ZC3H13: variants seen among roughly 807,000 people sequenced by gnomAD.
The protein encoded by ZC3H13 is zinc finger CCCH-type containing 13, also known as zinc finger CCCH domain-containing protein 13.
ZC3H13 carries 64 observed loss-of-function variants against 204.1 expected under a neutral mutation model. The ratio of observed to expected loss-of-function variants is 0.31; its 90% CI spans 0.26 to 0.39. ZC3H13 has a LOEUF of 0.39. Among genes scored for constraint, ZC3H13 ranks in the 10% least tolerant of loss-of-function variants. The pLI, the probability that ZC3H13 is intolerant of heterozygous loss-of-function variation, is 1.00. For missense variants in ZC3H13, 1,833 were observed against 2,082.7 expected (o/e 0.88, Z 2.33); for synonymous variants, 667 against 693.7 (o/e 0.96, Z 0.60).
In ZC3H13 at chr13:45,963,953, A is replaced by C. The variant is rs759206705; in HGVS notation, c.4564T>G (p.Phe1522Val). 31 of 1,614,012 alleles carry C rather than the reference A, an allele frequency of 1.9e-5. No homozygotes were observed. In the Admixed American group the frequency reaches 2.0e-4, roughly 10 times the overall value. ...PREPGAALLK[F>V]TPGAVMLRVG... ...CTTAGCATAACAGCTCCAGGTGTGA[A>C]TTTTAAGAGTGCAGCCCCAGGCTCT... The change falls in exon 17 of 19, where the codon TTC (phenylalanine) becomes GTC (valine). Residue 1522 changes from phenylalanine to valine, a missense_variant. Physicochemically the swap from Phe to Val is conservative, Grantham distance 50 (BLOSUM62 -1). Coordinates refer to ENST00000679008, the MANE Select transcript of ZC3H13 (RefSeq NM_001330564.2).
chr13:45,983,649 G>A (rs1451641983), intron 10 of ZC3H13, among the ~76,000 whole-genome samples: 2 of 149,802 alleles, frequency 1.3e-5, no homozygotes, highest in East Asian at 2.0e-4. Flanking sequence ...GGATGGTCTC[G>A]ATCTCCTGAC....
Position 45,955,122 on chromosome 13 carries a change from G to A in ZC3H13, c.*2005C>T, listed in dbSNP as rs1195670890. Reference sequence around the variant, plus strand: ...CTGAGCCGTCAGTTATGAGATAGATGACCTTTTAATTGTACTAGCAAACAA... The same window carrying A: ...CTGAGCCGTCAGTTATGAGATAGATAACCTTTTAATTGTACTAGCAAACAA... On this transcript the variant is annotated 3_prime_UTR_variant, in exon 19 of 19. Coordinates refer to ENST00000679008, the MANE Select transcript of ZC3H13 (RefSeq NM_001330564.2). 5 of 152,140 alleles carry A rather than the reference G, an allele frequency of 3.3e-5. No homozygotes were observed. Among genetic ancestry groups the A allele is most frequent in the Non-Finnish European group, 5.9e-5 (4 of 68,024 alleles). The allele number at this position is 152,140 out of a possible 1,614,324, so 9.4% of individuals were successfully genotyped here.
rs760080604 is a variant in ZC3H13, at chr13:45,969,482, GCTT to G, written c.3059_3061del (p.Glu1020del). 2.5e-6 allele frequency: 4 copies of G among 1,609,842 alleles called. No individual in the cohort carries two copies. Among genetic ancestry groups the G allele is most frequent in the Non-Finnish European group, 3.4e-6 (4 of 1,179,044 alleles). Reference sequence around the variant, plus strand: ...TCTTTTCTTCTTACTTTGCTGGGCTGCTTCTTCATCAGAAATATCAGAATCACC... The same window carrying G: ...TCTTTTCTTCTTACTTTGCTGGGCTGCTTCATCAGAAATATCAGAATCACC... On this transcript the variant is annotated inframe_deletion, in exon 14 of 19. Coordinates refer to ENST00000679008, the MANE Select transcript of ZC3H13 (RefSeq NM_001330564.2).
At chr13:46,028,027 A>G (rs2094247) in intron 4 of ZC3H13, among the ~76,000 whole-genome samples, 50,374 of 152,026 alleles carry the variant, frequency 0.33, 8,581 homozygotes, top group Middle Eastern at 0.41. Context: ...CAATTAAAAC[A>G]CAGATATTCT....
intron 1 of ZC3H13, among the ~76,000 whole-genome samples, chr13:46,050,449 T>A (rs2044323023): frequency 6.6e-6 from 1 of 152,168 alleles, no homozygotes; most frequent in African/African-American, 2.4e-5. Context: ...CATAACACTT[T>A]AATCCGGATG....
intron 8 of ZC3H13, among the ~76,000 whole-genome samples, chr13:45,994,123 T>C (rs1343155359): frequency 1.3e-5 from 2 of 152,246 alleles, no homozygotes; most frequent in South Asian, 2.1e-4. Flanking sequence ...TAATGATCCA[T>C]TTCCACTTAA....
At chr13:46,033,433 T>G (rs1158481815) in intron 4 of ZC3H13, among the ~76,000 whole-genome samples, 1 of 152,078 alleles carries the variant, frequency 6.6e-6, no homozygotes, top group Non-Finnish European at 1.5e-5. Flanking sequence ...CTGAAACTAT[T>G]AAATGTAATG....
At chr13:46,025,513 T>C (rs1417277986) in intron 4 of ZC3H13, among the ~76,000 whole-genome samples, 1 of 152,176 alleles carries the variant, frequency 6.6e-6, no homozygotes, top group Non-Finnish European at 1.5e-5. Flanking sequence ...TCTCTCTATG[T>C]TGCCCAAGCT....
At chr13:45,958,625 C>T (rs1354040339) in intron 18 of ZC3H13, among the ~76,000 whole-genome samples, 1 of 151,162 alleles carries the variant, frequency 6.6e-6, no homozygotes, top group Non-Finnish European at 1.5e-5. Flanking sequence ...CCCATCCACT[C>T]ACCACCCCAA....
chr13:46,006,930 CAT>C (rs2041200160), intron 7 of ZC3H13, among the ~76,000 whole-genome samples: 1 of 151,596 alleles, frequency 6.6e-6, no homozygotes, highest in African/African-American at 2.4e-5. Flanking sequence ...ATATTAGCCA[CAT>C]ATCTCATTGC....
intron 5 of ZC3H13, among the ~76,000 whole-genome samples, chr13:46,014,849 A>G (rs2041815255): frequency 6.6e-6 from 1 of 152,180 alleles, no homozygotes; most frequent in African/African-American, 2.4e-5. Context: ...TGCCCTATAA[A>G]CAAGATCTTT....
At chr13:45,976,308 T>C (rs4942460) in intron 11 of ZC3H13, 385,493 of 974,050 alleles carry the variant, frequency 0.4, 76,787 homozygotes, top group East Asian at 0.54. Flanking sequence ...ACACCTCTAA[T>C]TTCAGGCCAA....
intron 17 of ZC3H13, chr13:45,963,098 C>A: frequency 1.0e-6 from 1 of 977,756 alleles, no homozygotes; most frequent in Middle Eastern, 5.3e-4. Flanking sequence ...TGTAATAACT[C>A]ATTTGCTCCT....
chr13:46,006,082 C>G (rs61953328), intron 7 of ZC3H13, among the ~76,000 whole-genome samples: 32 of 70,814 alleles, frequency 4.5e-4, no homozygotes, highest in African/African-American at 2.4e-3. Flanking sequence ...GGGACTCTGT[C>G]CCAAAAAAAA....
rs1241634616 is a variant in ZC3H13, at chr13:45,955,984, A to G, written c.*1143T>C. On this transcript the variant is annotated 3_prime_UTR_variant, in exon 19 of 19. Coordinates refer to ENST00000679008, the MANE Select transcript of ZC3H13 (RefSeq NM_001330564.2). Reference sequence around the variant, plus strand: ...TAAATTTTGATTGCCTTCTTTTATTATTATCACTACTACTGTCTGCTCACA... The same window carrying G: ...TAAATTTTGATTGCCTTCTTTTATTGTTATCACTACTACTGTCTGCTCACA... The G allele has an allele frequency of 6.6e-6, 1 of 152,070 alleles. No homozygotes were observed. The highest frequency in any genetic ancestry group is 1.5e-5 in the Non-Finnish European group (1 of 67,964). The allele number at this position is 152,070 out of a possible 1,614,324, so 9.4% of individuals were successfully genotyped here.
intron 4 of ZC3H13, among the ~76,000 whole-genome samples, chr13:46,034,590 C>T (rs772659734): frequency 2.6e-5 from 4 of 151,916 alleles, no homozygotes; most frequent in Non-Finnish European, 4.4e-5. Flanking sequence ...GTTTGGGAGG[C>T]GACTGATGAC....
Position 45,979,814 on chromosome 13 carries a change from T to A in ZC3H13, c.1911A>T (p.Arg637Ser). The A allele has an allele frequency of 6.4e-7, 1 of 1,556,554 alleles. No homozygotes were observed. The highest frequency in any genetic ancestry group is 8.6e-7 in the Non-Finnish European group (1 of 1,156,322). ...TTAATAAAATTCTGTTTGACAAACCTCTCTCTCTGTTGTCACGACGGTCTC... is the reference window on the plus strand; with the variant it reads ...TTAATAAAATTCTGTTTGACAAACCACTCTCTCTGTTGTCACGACGGTCTC... ...GERDRRDNRE[R>S]DQRPSSPIRH... The change falls in exon 11 of 19, where the codon AGA becomes AGT. Residue 637 changes from arginine to serine, a missense_variant and splice_region_variant. This residue lies in a region of ZC3H13 where 1,574 missense variants were observed against 1,757.2 expected (regional missense o/e 0.90). Coordinates refer to ENST00000679008, the MANE Select transcript of ZC3H13 (RefSeq NM_001330564.2).
chr13:45,982,649 G>C (rs1375936788), intron 10 of ZC3H13, among the ~76,000 whole-genome samples: 1 of 152,106 alleles, frequency 6.6e-6, no homozygotes, highest in Non-Finnish European at 1.5e-5. Flanking sequence ...AGGTGTTTTG[G>C]ATTTTGGAAT....
At chr13:46,010,271 T>C in intron 7 of ZC3H13, 77 bp downstream of exon 7, 1 of 1,398,894 alleles carries the variant, frequency 7.1e-7, no homozygotes, top group East Asian at 2.3e-5. Flanking sequence ...AAAAGTACCC[T>C]TTTATAACCT....
Sources: allele counts gnomAD v4.1 joint callset (sites outside exome capture counted in the v4.1 genomes callset), GRCh38; gene constraint gnomAD v4.1.1; regional missense constraint gnomAD v4.1.1; transcripts MANE v1.5; gene names NCBI Gene and HGNC (gene_info 2026-07-23, HGNC 2026-07-21).